Variants in DYNC2I2 observed in about 807,000 individuals in gnomAD.
DYNC2I2 encodes the protein dynein 2 intermediate chain 2.
DYNC2I2 carries 39 observed loss-of-function variants against 52.0 expected under a neutral mutation model. The ratio of observed to expected loss-of-function variants is 0.75; its 90% CI spans 0.58 to 0.98. The LOEUF is 0.98. Ranked by LOEUF, DYNC2I2 falls within the 50% of genes least tolerant of loss-of-function variation. DYNC2I2 has a pLI of 0.00. For missense variants in DYNC2I2, 743 were observed against 728.4 expected (o/e 1.02, Z -0.23); for synonymous variants, 359 against 321.1 (o/e 1.12, Z -1.26).
At chr9:128,673,862 G>A in the DYNC2I2 span, among the ~76,000 whole-genome samples, 1 of 145,918 alleles carries the variant, frequency 6.9e-6, no homozygotes, top group Non-Finnish European at 1.5e-5. Flanking sequence ...AGGCTGGAGT[G>A]CAATGGCTCA....
intron 3 of DYNC2I2, 122 bp downstream of exon 3, chr9:128,636,793 TGAG>T: frequency 1.3e-6 from 1 of 750,490 alleles, no homozygotes; most frequent in Non-Finnish European, 2.2e-6. Flanking sequence ...CAGGAAGGCT[TGAG>T]AAGAGACTCC....
chr9:128,656,307 G>A (rs912033628), intron 1 of DYNC2I2, among the ~76,000 whole-genome samples: 1 of 152,088 alleles, frequency 6.6e-6, no homozygotes, highest in Non-Finnish European at 1.5e-5. Context: ...CCTTGGAGGT[G>A]TTTTGTTTTT....
intron 1 of DYNC2I2, among the ~76,000 whole-genome samples, chr9:128,646,323 C>T (rs1345281492): frequency 6.6e-6 from 1 of 152,198 alleles, no homozygotes; most frequent in Non-Finnish European, 1.5e-5. Context: ...ATTCTCCTGC[C>T]TCAGCCTCTT....
upstream of DYNC2I2, among the ~76,000 whole-genome samples, chr9:128,661,821 CACCTGAGGTCAGGAGTTGGAGACCA>C (rs1232591361): frequency 2.0e-5 from 3 of 151,990 alleles, no homozygotes; most frequent in African/African-American, 7.2e-5. Flanking sequence ...GTAGGCGGAT[CACCTGAGGTCAGGAGTTGGAGACCA>C]GCCTAGCCAA....
intron 1 of DYNC2I2, among the ~76,000 whole-genome samples, chr9:128,646,953 C>T (rs1368867695): frequency 6.6e-6 from 1 of 151,934 alleles, no homozygotes; most frequent in Non-Finnish European, 1.5e-5. Context: ...GGTGAAACCC[C>T]GTCTCTACTA....
intron 7 of DYNC2I2, 53 bp downstream of exon 7, chr9:128,634,636 C>T (rs904385452): frequency 1.7e-4 from 254 of 1,469,120 alleles, no homozygotes; most frequent in Non-Finnish European, 2.1e-4. Flanking sequence ...GGCTAGAGAC[C>T]CGCAGGGCAG....
At chr9:128,648,477 C>G (rs1860659431) in intron 1 of DYNC2I2, among the ~76,000 whole-genome samples, 1 of 151,818 alleles carries the variant, frequency 6.6e-6, no homozygotes, top group Admixed American at 6.6e-5. Context: ...CCAAGCCAGG[C>G]CCCGCCAAGC....
At chr9:128,670,610 C>T in the DYNC2I2 span, among the ~76,000 whole-genome samples, 1 of 151,864 alleles carries the variant, frequency 6.6e-6, no homozygotes, top group Non-Finnish European at 1.5e-5. Flanking sequence ...GTGGCCCACA[C>T]CTGTAGTCCC....
intron 7 of DYNC2I2, 89 bp from the exon 8 acceptor site, chr9:128,634,472 C>G (rs1564338050): frequency 6.7e-7 from 1 of 1,491,446 alleles, no homozygotes; most frequent in South Asian, 1.4e-5. Flanking sequence ...CCTGGGCTGC[C>G]AGGCTCGTGA....
chr9:128,658,721 ATTTTTTTTTT>A (rs746310535), upstream of DYNC2I2, among the ~76,000 whole-genome samples: 1 of 91,552 alleles, frequency 1.1e-5, no homozygotes, highest in Non-Finnish European at 2.0e-5. Flanking sequence ...ACCTGACCTA[ATTTTTTTTTT>A]TTTTTTTTTT....
chr9:128,680,446 C>T, the DYNC2I2 span, among the ~76,000 whole-genome samples: 7 of 151,978 alleles, frequency 4.6e-5, no homozygotes, highest in South Asian at 8.3e-4. Flanking sequence ...GGCGCGATCT[C>T]GGCTCACTGA....
chr9:128,673,504 C>CTT, the DYNC2I2 span, among the ~76,000 whole-genome samples: 8 of 140,578 alleles, frequency 5.7e-5, 2 homozygotes, highest in East Asian at 4.1e-4. Context: ...ACCTCACTGG[C>CTT]TATTTTTTTT....
At chr9:128,635,393 CA>C (rs1589429025) in intron 5 of DYNC2I2, 134 bp from the exon 6 acceptor site, 1 of 1,174,478 alleles carries the variant, frequency 8.5e-7, no homozygotes. Flanking sequence ...GCTCACCCAC[CA>C]GGGGGCAGGC....
intron 1 of DYNC2I2, among the ~76,000 whole-genome samples, chr9:128,642,754 C>CA (rs936860089): frequency 2.1e-4 from 31 of 145,886 alleles, no homozygotes; most frequent in Non-Finnish European, 3.5e-4. Flanking sequence ...GACTCCATTT[C>CA]AAAAAAAAAA....
At chr9:128,661,744 T>G (rs2035377812), upstream of DYNC2I2, among the ~76,000 whole-genome samples, 1 of 148,930 alleles carries the variant, frequency 6.7e-6, no homozygotes. Context: ...AGGGGATGAA[T>G]GTCTGAAAAA....
the DYNC2I2 span, among the ~76,000 whole-genome samples, chr9:128,664,531 C>G: frequency 1.3e-5 from 2 of 151,628 alleles, no homozygotes; most frequent in African/African-American, 4.8e-5. Flanking sequence ...GTCACCCACA[C>G]TGGGGTGAAG....
At chr9:128,665,647 G>A in the DYNC2I2 span, among the ~76,000 whole-genome samples, 6 of 151,552 alleles carry the variant, frequency 4.0e-5, no homozygotes, top group African/African-American at 9.7e-5. Flanking sequence ...GCACACGCCC[G>A]TAATCCCACC....
At chr9:128,680,305 C>G in the DYNC2I2 span, among the ~76,000 whole-genome samples, 1 of 152,034 alleles carries the variant, frequency 6.6e-6, no homozygotes, top group Non-Finnish European at 1.5e-5. Context: ...ACGTGATCCT[C>G]CAGCCTCGGC....
chr9:128,661,487 G>A (rs563485070), upstream of DYNC2I2, among the ~76,000 whole-genome samples: 37 of 151,642 alleles, frequency 2.4e-4, 1 homozygote, highest in South Asian at 6.5e-3. Context: ...GTGACATAGC[G>A]GGTGCCTGTT....
Sources: allele counts gnomAD v4.1 joint callset (sites outside exome capture counted in the v4.1 genomes callset), GRCh38; gene constraint gnomAD v4.1.1; transcripts MANE v1.5; gene names NCBI Gene and HGNC (gene_info 2026-07-23, HGNC 2026-07-21).